Variants in FYB2 observed in about 807,000 individuals in gnomAD.
FYB2 encodes the protein FYN binding protein 2.
A neutral mutation model predicts 94.1 loss-of-function variants in FYB2; 103 were observed. The ratio of observed to expected loss-of-function variants is 1.09; its 90% CI spans 0.93 to 1.29. The LOEUF (loss-of-function observed/expected upper bound fraction) is 1.29. FYB2 is among the 50% of genes most tolerant of loss of function. FYB2 has a pLI of 0.00. For synonymous variants in FYB2, 293 were observed against 287.9 expected, an observed-to-expected ratio of 1.02 and a Z score of -0.18; for missense variants, 896 against 841.5, an observed-to-expected ratio of 1.06 and a Z score of -0.80.
intron 4 of FYB2, among the ~76,000 whole-genome samples, chr1:56,784,886 G>A (rs951150305): frequency 1.3e-5 from 2 of 152,118 alleles, no homozygotes; most frequent in African/African-American, 2.4e-5. Flanking sequence ...GAACACATAA[G>A]TAAACCTATC....
chr1:56,741,511 T>C (rs773635094), intron 12 of FYB2, among the ~76,000 whole-genome samples: 4 of 152,010 alleles, frequency 2.6e-5, no homozygotes, highest in Non-Finnish European at 5.9e-5. Flanking sequence ...TTTTGGGGCC[T>C]TTAGGGGGTA....
chr1:56,742,648 C>A (rs886831913), intron 11 of FYB2, among the ~76,000 whole-genome samples: 2 of 152,144 alleles, frequency 1.3e-5, no homozygotes, highest in South Asian at 2.1e-4. Context: ...TTTGGCCTAG[C>A]CCAACACATA....
intron 1 of FYB2, among the ~76,000 whole-genome samples, chr1:56,818,548 G>A (rs972585909): frequency 1.3e-5 from 2 of 151,820 alleles, no homozygotes; most frequent in Middle Eastern, 3.4e-3. Context: ...CGGAAATAGA[G>A]GAGAGTGGAG....
upstream of FYB2, chr1:56,823,935 T>C (rs1162057280): frequency 6.6e-6 from 1 of 152,212 alleles, no homozygotes; most frequent in Non-Finnish European, 1.5e-5. Context: ...AGAAATCTTT[T>C]CCAATGTCAA....
intron 1 of FYB2, among the ~76,000 whole-genome samples, chr1:56,793,623 G>T (rs8179263): frequency 0.45 from 68,303 of 151,220 alleles, 15,431 homozygotes; most frequent in Middle Eastern, 0.47. Context: ...TTACCTATTG[G>T]GTACTATGTT....
At chr1:56,727,140 A>G (rs1254636854) in intron 15 of FYB2, among the ~76,000 whole-genome samples, 1 of 152,074 alleles carries the variant, frequency 6.6e-6, no homozygotes, top group Non-Finnish European at 1.5e-5. Flanking sequence ...AGCATCTTAC[A>G]TATGTTAACT....
In FYB2 at chr1:56,756,039, A is replaced by C. The variant is rs959037451; in HGVS notation, c.1099-112T>G. ...CAAAAGGTGAGGGGGATGAAGCCTC[A>C]GTAGAGAGCAAAGGCAGACACTGAC... On this transcript the variant is annotated intron_variant, in intron 6 of 19. Coordinates refer to ENST00000343433, the MANE Select transcript of FYB2 (RefSeq NM_001004303.5). The C allele has an allele frequency of 5.1e-6, 5 of 982,944 alleles. No homozygotes were observed. In the African/African-American group the frequency reaches 6.5e-5, roughly 13 times the overall value. The allele number at this position is 982,944 out of a possible 1,614,324, so 60.9% of individuals were successfully genotyped here. A position where few individuals can be genotyped will look rare whatever the true frequency, so the allele number is the denominator to read the frequency against.
chr1:56,782,702 G>A (rs1456400928), intron 4 of FYB2, among the ~76,000 whole-genome samples: 1 of 152,044 alleles, frequency 6.6e-6, no homozygotes, highest in African/African-American at 2.4e-5. Flanking sequence ...TCATCAAAGT[G>A]AAAACACAAA....
intron 1 of FYB2, among the ~76,000 whole-genome samples, chr1:56,797,321 A>G (rs1646423005): frequency 6.6e-6 from 1 of 152,170 alleles, no homozygotes; most frequent in South Asian, 2.1e-4. Flanking sequence ...TGGGTGAGGA[A>G]CTACTGATGG....
intron 5 of FYB2, among the ~76,000 whole-genome samples, chr1:56,763,733 T>A (rs1412788274): frequency 3.3e-5 from 5 of 152,074 alleles, no homozygotes; most frequent in Non-Finnish European, 7.4e-5. Flanking sequence ...TTTTATTGAT[T>A]TTTTTTCAAA....
Position 56,736,864 on chromosome 1 carries a change from A to G in FYB2, c.1793+223T>C, listed in dbSNP as rs115810908. Among the ~76,000 whole-genome samples, 1,299 of 152,250 alleles carry G rather than the reference A, an allele frequency of 8.5e-3. 13 individuals are homozygous for G. Among genetic ancestry groups the G allele is most frequent in the South Asian group, 0.033 (157 of 4,818 alleles). ...TCAAGTCTGAATTCAAAAATAAAAA[A>G]CAGAAACAAACTCAAAACCTCCAAT... On this transcript the variant is annotated intron_variant, in intron 15 of 19. Transcript: ENST00000343433.
rs998694774 is a variant in FYB2, at chr1:56,726,548, A to C, written c.1829T>G (p.Phe610Cys). The C allele has an allele frequency of 2.5e-6, 4 of 1,612,270 alleles. 1 individual carries two copies. Among genetic ancestry groups the C allele is most frequent in the Non-Finnish European group, 3.4e-6 (4 of 1,178,938 alleles). The change falls in exon 16 of 20, where the codon TTT (phenylalanine) becomes TGT (cysteine). Residue 610 changes from phenylalanine to cysteine, a missense_variant. Coordinates refer to ENST00000343433, the MANE Select transcript of FYB2 (RefSeq NM_001004303.5). The part of the protein sequence containing the change: ...EDKLKMWKPK[F>C]LTPKEKKEKN... ...CTCTTTTTTTTCCTTTGGTGTCAGAAACTTGGGCTTCCACATTTTCAGTTT... is the reference window on the plus strand; with the variant it reads ...CTCTTTTTTTTCCTTTGGTGTCAGACACTTGGGCTTCCACATTTTCAGTTT...
chr1:56,783,885 A>C (rs1774825), intron 4 of FYB2, among the ~76,000 whole-genome samples: 26,155 of 152,146 alleles, frequency 0.17, 2,451 homozygotes, highest in East Asian at 0.26. Flanking sequence ...GAAGAGACTA[A>C]AGTTCTGAGC....
intron 1 of FYB2, among the ~76,000 whole-genome samples, chr1:56,797,632 G>A (rs1490321629): frequency 6.6e-6 from 1 of 152,170 alleles, no homozygotes; most frequent in East Asian, 1.9e-4. Context: ...CTGTGGCAGA[G>A]GTTCCTGTGC....
intron 1 of FYB2, among the ~76,000 whole-genome samples, chr1:56,808,600 G>A (rs1249768139): frequency 6.6e-6 from 1 of 152,164 alleles, no homozygotes; most frequent in East Asian, 1.9e-4. Flanking sequence ...TTGGGAGGTT[G>A]CCAGCTGTGA....
At chr1:56,782,984 A>G (rs1029548350) in intron 4 of FYB2, among the ~76,000 whole-genome samples, 1 of 152,212 alleles carries the variant, frequency 6.6e-6, no homozygotes, top group Non-Finnish European at 1.5e-5. Flanking sequence ...TACTTTGCTC[A>G]CACAAATAGG....
chr1:56,741,692 T>C (rs1360434875), intron 12 of FYB2, among the ~76,000 whole-genome samples: 1 of 152,062 alleles, frequency 6.6e-6, no homozygotes, highest in Non-Finnish European at 1.5e-5. Context: ...AATTTTATTC[T>C]TGATAACACT....
At chr1:56,776,163 A>T (rs1246470182) in intron 4 of FYB2, among the ~76,000 whole-genome samples, 1 of 152,098 alleles carries the variant, frequency 6.6e-6, no homozygotes, top group Non-Finnish European at 1.5e-5. Flanking sequence ...GAAAATAATG[A>T]AGCACCAGAC....
At chr1:56,723,063 G>A (rs986680987) in intron 17 of FYB2, among the ~76,000 whole-genome samples, 1 of 151,998 alleles carries the variant, frequency 6.6e-6, no homozygotes, top group African/African-American at 2.4e-5. Context: ...TGTTCATTTT[G>A]TCATTCATTT....
Sources: allele counts gnomAD v4.1 joint callset (sites outside exome capture counted in the v4.1 genomes callset), GRCh38; gene constraint gnomAD v4.1.1; transcripts MANE v1.5; gene names NCBI Gene and HGNC (gene_info 2026-07-23, HGNC 2026-07-21).